Variants in CD79B observed in about 807,000 individuals in gnomAD.
The protein encoded by CD79B is CD79b molecule, also known as B-cell antigen receptor complex-associated protein beta chain.
In CD79B, 7 loss-of-function variants were observed where a neutral mutation model predicts 30.0. The ratio of observed to expected loss-of-function variants is 0.23; its 90% CI spans 0.13 to 0.44. The LOEUF (loss-of-function observed/expected upper bound fraction) is 0.44. CD79B is among the 20% of genes least tolerant of loss of function. CD79B has a pLI of 1.00. For missense variants in CD79B, 218 were observed against 299.1 expected (o/e 0.73, Z 2.00); for synonymous variants, 118 against 119.2 (o/e 0.99, Z 0.07).
chr17:63,930,629 T>G, intron 2 of CD79B: 1 of 581,418 alleles, frequency 1.7e-6, no homozygotes. Flanking sequence ...CACCTCCCCT[T>G]CGATTTTCCT....
intron 2 of CD79B, 105 bp downstream of exon 2, chr17:63,931,230 G>A: frequency 8.9e-7 from 1 of 1,129,848 alleles, no homozygotes; most frequent in Non-Finnish European, 1.3e-6. Context: ...GGGGAGATCA[G>A]GCAAGGGTGG....
At position 63,929,031 on chromosome 17, in the gene CD79B, C is replaced by T. The variant is rs1029623376; in HGVS notation, c.*195G>A. On this transcript the variant is annotated 3_prime_UTR_variant, in exon 6 of 6. Coordinates refer to ENST00000006750, the MANE Select transcript of CD79B (RefSeq NM_000626.4). ...CCAGAGAACTCCCTCCAAGTTGCTG[C>T]CCTGTTGTCCTTCTACTCCAGGCCC... 24 of 619,760 alleles carry T rather than the reference C, an allele frequency of 3.9e-5. No individual in the cohort carries two copies. Among genetic ancestry groups the T allele is most frequent in the African/African-American group, 2.9e-4 (16 of 54,682 alleles). 38.4% of individuals were successfully genotyped at this position (619,760 alleles called of 1,614,324 possible).
chr17:63,931,741 C>CTTTT, intron 1 of CD79B: 1 of 280,498 alleles, frequency 3.6e-6, no homozygotes, highest in South Asian at 4.2e-5. Context: ...CCCTGTCTCT[C>CTTTT]TTTTTTTTTT....
At chr17:63,931,271 T>A (rs936438501) in intron 2 of CD79B, 64 bp downstream of exon 2, 1 of 1,537,530 alleles carries the variant, frequency 6.5e-7, no homozygotes, top group Non-Finnish European at 9.0e-7. Context: ...ACAGGGACCA[T>A]AGTCGGACAC....
chr17:63,929,551 G>A, intron 4 of CD79B, 76 bp from the exon 5 acceptor site: 1 of 1,533,644 alleles, frequency 6.5e-7, no homozygotes, highest in Admixed American at 1.7e-5. Context: ...GGCTGGGGAG[G>A]GCCAGGGAGA....
chr17:63,931,202 G>A (rs1908100492), intron 2 of CD79B, 133 bp downstream of exon 2: 1 of 861,686 alleles, frequency 1.2e-6, no homozygotes, highest in East Asian at 2.5e-5. Context: ...AGGAGGCCTG[G>A]GGATGGGAAT....
chr17:63,931,419 A>G (rs753342099), intron 1 of CD79B, 34 bp from the exon 2 acceptor site: 1 of 1,609,748 alleles, frequency 6.2e-7, no homozygotes, highest in Non-Finnish European at 8.5e-7. Context: ...GGGGCCAGTC[A>G]GGGCCTCCTC....
intron 1 of CD79B, chr17:63,931,937 C>G: frequency 1.8e-6 from 1 of 564,730 alleles, no homozygotes; most frequent in African/African-American, 1.9e-5. Flanking sequence ...GTCCTGGTTG[C>G]TAACTCTGGT....
chr17:63,930,162 A>C lies in CD79B; in HGVS notation c.342T>G (p.Phe114Leu). The change falls in exon 3 of 6, where the codon TTT becomes TTG. Residue 114 changes from phenylalanine (F) to leucine (L), a missense_variant. Phe to Leu is a conservative substitution (Grantham distance 22). Coordinates refer to ENST00000006750, the MANE Select transcript of CD79B (RefSeq NM_000626.4). ...LATLTIQGIRFEDNGIYFCQQ... is the reference protein window; with the variant it reads ...LATLTIQGIRLEDNGIYFCQQ... ...GACAGAAGTAGATGCCATTGTCCTC[A>C]AACCGGATGCCTTGGATGGTGAGGG... 1 of 1,614,178 alleles carries C rather than the reference A, an allele frequency of 6.2e-7. No homozygotes were observed. Among genetic ancestry groups the C allele is most frequent in the Admixed American group, 1.7e-5 (1 of 60,022 alleles).
At position 63,929,438 on chromosome 17, in the gene CD79B, T is replaced by G; in HGVS notation, c.587A>C (p.Tyr196Ser). The G allele has an allele frequency of 6.2e-7, 1 of 1,613,726 alleles. No homozygotes were observed. The highest frequency in any genetic ancestry group is 8.5e-7 in the Non-Finnish European group (1 of 1,179,912). ...SKAGMEEDHTYEGLDIDQTAT... is the reference protein window; with the variant it reads ...SKAGMEEDHTSEGLDIDQTAT... Reference sequence around the variant, plus strand: ...TGGGCCTGCCCCTCTCCTTACCTCGTAGGTGTGATCTTCCTCCATGCCAGC... The same window carrying G: ...TGGGCCTGCCCCTCTCCTTACCTCGGAGGTGTGATCTTCCTCCATGCCAGC... Residue 196 changes from tyrosine to serine, a missense_variant, in exon 5 of 6, where the codon TAC becomes TCC. Transcript: ENST00000006750.
Position 63,930,021 on chromosome 17 carries a change from G to A in CD79B, c.430+53C>T, listed in dbSNP as rs1020567930. 4.3e-5 allele frequency: 68 copies of A among 1,596,394 alleles called. 1 individual carries two copies. The South Asian group carries it at 5.3e-4, about 12-fold the overall frequency. ...TGACCATCACCACAAGAGGCAGGCC[G>A]GGCTAGGGTGGGGCGGACAGCTACA... On this transcript the variant is annotated intron_variant, in intron 3 of 5. Coordinates refer to ENST00000006750, the MANE Select transcript of CD79B (RefSeq NM_000626.4).
chr17:63,929,068 C>T lies in CD79B; in HGVS notation c.*158G>A. 1 of 668,366 alleles carries T rather than the reference C, an allele frequency of 1.5e-6. No individual in the cohort carries two copies. The highest frequency in any genetic ancestry group is 1.6e-5 in the South Asian group (1 of 61,184). The allele number at this position is 668,366 out of a possible 1,614,324, so 41.4% of individuals were successfully genotyped here. A position where few individuals can be genotyped will look rare whatever the true frequency, so the allele number is the denominator to read the frequency against. On this transcript the variant is annotated 3_prime_UTR_variant, in exon 6 of 6. Coordinates refer to ENST00000006750, the MANE Select transcript of CD79B (RefSeq NM_000626.4). ...TCTACTCCAGGCCCTTTGGCAAGAG[C>T]TGGGGACCAGGGGCTGGAGACAAAT...
Position 63,930,381 on chromosome 17 carries a change from A to T in CD79B, c.123T>A (p.Ser41Arg). The change falls in exon 3 of 6, where the codon AGT (serine) becomes AGA (arginine). Residue 41 changes from serine to arginine, a missense_variant. Coordinates refer to ENST00000006750, the MANE Select transcript of CD79B (RefSeq NM_000626.4). ...SEDRYRNPKGSACSRIWQSPR... is the reference protein window; with the variant it reads ...SEDRYRNPKGRACSRIWQSPR... ...GGCTCTGCCAGATCCGCGAACAAGC[A>T]CTACCTGTGGGTGCCAAGGCCAGGC... 6.2e-7 allele frequency: 1 copy of T among 1,613,526 alleles called. No individual in the cohort carries two copies. The highest frequency in any genetic ancestry group is 8.5e-7 in the Non-Finnish European group (1 of 1,179,924).
intron 1 of CD79B, chr17:63,931,964 G>A (rs1908158420): frequency 1.6e-6 from 1 of 615,948 alleles, no homozygotes. Flanking sequence ...CTCATGCCCA[G>A]CTCAGCCTGA....
Position 63,929,462 on chromosome 17 carries a change from G to A in CD79B, c.563C>T (p.Ala188Val), listed in dbSNP as rs752009987. 1 of 1,613,914 alleles carries A rather than the reference G, an allele frequency of 6.2e-7. No homozygotes were observed. The highest frequency in any genetic ancestry group is 8.5e-7 in the Non-Finnish European group (1 of 1,180,020). Residue 188 changes from alanine to valine, a missense_variant, in exon 5 of 6, where the codon GCT becomes GTT. Transcript: ENST00000006750. ...FLLLDKDDSK[A>V]GMEEDHTYEG... ...GTAGGTGTGATCTTCCTCCATGCCA[G>A]CCTTGCTGTCATCCTGGGGGCGGAG...
At position 63,929,608 on chromosome 17, in the gene CD79B, T is replaced by TGAAG. The variant is rs1025540138; in HGVS notation, c.550-137_550-134dup. The TGAAG allele has an allele frequency of 4.1e-5, 43 of 1,050,878 alleles. No homozygotes were observed. The Admixed American group carries it at 5.2e-4, about 13-fold the overall frequency. 65.1% of individuals were successfully genotyped at this position (1,050,878 alleles called of 1,614,324 possible). ...GGTGCATTCTGCAAGAACAGCTGAA[T>TGAAG]GAAGGAAGGAAGGAAGGAATGATTG... On this transcript the variant is annotated intron_variant, in intron 4 of 5. Transcript: ENST00000006750.
chr17:63,931,453 C>T, intron 1 of CD79B, 68 bp from the exon 2 acceptor site: 2 of 1,465,846 alleles, frequency 1.4e-6, no homozygotes, highest in Non-Finnish European at 1.9e-6. Context: ...CCCACCCCTG[C>T]ATGCCCTCTA....
rs761405849 is a variant in CD79B, at chr17:63,932,191, G to C, written c.67+4C>G. 1.2e-6 allele frequency: 2 copies of C among 1,612,966 alleles called. No homozygotes were observed. Among genetic ancestry groups the C allele is most frequent in the Non-Finnish European group, 1.7e-6 (2 of 1,179,724 alleles). ...CCCCACAGGCCTCGTCGTGGGTTCTGTACCTGAGAGCAGCAGCAGCAACGC... is the reference window on the plus strand; with the variant it reads ...CCCCACAGGCCTCGTCGTGGGTTCTCTACCTGAGAGCAGCAGCAGCAACGC... On this transcript the variant is annotated splice_donor_region_variant and intron_variant, in intron 1 of 5. Transcript: ENST00000006750.
At chr17:63,931,456 GC>G (rs1415677695) in intron 1 of CD79B, 71 bp from the exon 2 acceptor site, 66 of 1,437,654 alleles carry the variant, frequency 4.6e-5, no homozygotes, top group Non-Finnish European at 6.0e-5. Context: ...ACCCCTGCAT[GC>G]CCTCTATGTT....
Sources: gnomAD v4.1 joint callset for allele counts on GRCh38, gnomAD v4.1.1 for gene constraint, MANE v1.5 for transcripts, NCBI Gene and HGNC (gene_info 2026-07-23, HGNC 2026-07-21) for gene names.